The following PDSS2 variants were observed in gnomAD, a reference collection of about 807,000 sequenced individuals.
PDSS2 encodes the protein decaprenyl diphosphate synthase subunit 2, also known as all trans-polyprenyl-diphosphate synthase PDSS2.
PDSS2 carries 31 observed loss-of-function variants against 44.5 expected under a neutral mutation model. The ratio of observed to expected loss-of-function variants is 0.70; its 90% CI spans 0.52 to 0.94. The LOEUF (loss-of-function observed/expected upper bound fraction) is 0.94, where lower values mean the gene tolerates loss of function less well. Among genes scored for constraint, PDSS2 ranks in the 40% least tolerant of loss-of-function variants. The pLI is 0.00. For missense variants in PDSS2, 452 were observed against 482.2 expected (o/e 0.94, Z 0.59); for synonymous variants, 157 against 180.3 (o/e 0.87, Z 1.03).
intron 1 of PDSS2, among the ~76,000 whole-genome samples, chr6:107,437,939 A>G (rs1403898277): frequency 6.6e-6 from 1 of 152,168 alleles, no homozygotes; most frequent in Admixed American, 6.5e-5. Context: ...TCTAGTTTCT[A>G]GGGCTAAGGA....
chr6:107,156,422 C>T (rs1341486231), intron 7 of PDSS2, among the ~76,000 whole-genome samples: 1 of 151,844 alleles, frequency 6.6e-6, no homozygotes, highest in African/African-American at 2.4e-5. Context: ...TCTCCATCTC[C>T]TGACCTTGTG....
chr6:107,201,390 C>CAAAAA lies in PDSS2; in HGVS notation c.1009-7541_1009-7537dup, dbSNP rs747612959. Among the ~76,000 whole-genome samples the CAAAAA allele has an allele frequency of 1.1e-3, 58 of 52,158 alleles. 2 individuals carry two copies. Among genetic ancestry groups the CAAAAA allele is most frequent in the African/African-American group, 2.9e-3 (30 of 10,258 alleles). 34.2% of individuals were successfully genotyped at this position (52,158 alleles called of 152,430 possible). ...TGTAAAACAATATTCCATACAAAAG[C>CAAAAA]AAAAAAAAAAAAAAAAAAAAAAAAG... On this transcript the variant is annotated intron_variant, in intron 6 of 7. Transcript: ENST00000369037.
chr6:107,311,141 C>G (rs1396601072), intron 2 of PDSS2, among the ~76,000 whole-genome samples: 1 of 150,810 alleles, frequency 6.6e-6, no homozygotes, highest in East Asian at 1.9e-4. Context: ...TGGTCTTGAT[C>G]TCCTGACTTT....
rs1298003781 is a variant in PDSS2 at position 107,152,655 on chromosome 6, C to G, written c.*1964G>C. 6.6e-6 allele frequency: 1 copy of G among 151,822 alleles called. No homozygotes were observed. The highest frequency in any genetic ancestry group is 6.6e-5 in the Admixed American group (1 of 15,216). 9.4% of individuals were successfully genotyped at this position (151,822 alleles called of 1,614,324 possible). On this transcript the variant is annotated 3_prime_UTR_variant, in exon 8 of 8. Coordinates refer to ENST00000369037, the MANE Select transcript of PDSS2 (RefSeq NM_020381.4). ...CATTGTACAGATGAGAAAATTGAGG[C>G]TCAGAAGGAAGTGACTTGTGCAAGG...
intron 2 of PDSS2, among the ~76,000 whole-genome samples, chr6:107,316,761 T>C (rs1190084538): frequency 2.6e-5 from 4 of 152,170 alleles, no homozygotes; most frequent in African/African-American, 9.7e-5. Flanking sequence ...TTTCATTTAA[T>C]GAACAAAAAA....
intron 1 of PDSS2, among the ~76,000 whole-genome samples, chr6:107,377,097 A>G (rs1235295061): frequency 6.8e-6 from 1 of 146,980 alleles, no homozygotes; most frequent in Non-Finnish European, 1.5e-5. Context: ...CAGAGTGAAC[A>G]GGCAACCTAC....
intron 1 of PDSS2, among the ~76,000 whole-genome samples, chr6:107,399,337 C>G (rs1780039477): frequency 6.6e-6 from 1 of 152,188 alleles, no homozygotes. Flanking sequence ...GTCGCAAAAT[C>G]TTGATCTCCA....
rs1231583934 is a variant in PDSS2 at position 107,204,337 on chromosome 6, C to A, written c.1008+6102G>T. ...GTAATATTCCATTGTATGGATATAC[C>A]ACATTTTGCTTCTCCATTTATCAGT... On this transcript the variant is annotated intron_variant, in intron 6 of 7. Coordinates refer to ENST00000369037, the MANE Select transcript of PDSS2 (RefSeq NM_020381.4). Among the ~76,000 whole-genome samples the A allele has an allele frequency of 4.6e-5, 7 of 152,040 alleles. No individual in the cohort carries two copies. In the East Asian group the frequency reaches 1.3e-3, roughly 29 times the overall value.
intron 6 of PDSS2, among the ~76,000 whole-genome samples, chr6:107,198,966 AGCCTGGGT>A (rs1311047054): frequency 6.6e-6 from 1 of 152,240 alleles, no homozygotes; most frequent in Non-Finnish European, 1.5e-5. Flanking sequence ...ACTGCATTCC[AGCCTGGGT>A]GACAGAATGA....
intron 4 of PDSS2, among the ~76,000 whole-genome samples, chr6:107,232,485 A>C (rs1242837607): frequency 6.6e-6 from 1 of 152,174 alleles, no homozygotes; most frequent in South Asian, 2.1e-4. Context: ...TTTGTCATTC[A>C]GATCTCAACT....
chr6:107,452,957 G>T (rs1257918921), intron 1 of PDSS2, among the ~76,000 whole-genome samples: 1 of 152,062 alleles, frequency 6.6e-6, no homozygotes, highest in East Asian at 1.9e-4. Flanking sequence ...GAGCCACCAC[G>T]CCTGGCCAGT....
chr6:107,340,123 G>T (rs1367389790), intron 1 of PDSS2, among the ~76,000 whole-genome samples: 1 of 151,540 alleles, frequency 6.6e-6, no homozygotes, highest in African/African-American at 2.4e-5. Flanking sequence ...AACTCAAAAA[G>T]ATGTTGCATA....
intron 3 of PDSS2, among the ~76,000 whole-genome samples, chr6:107,261,581 T>TTC (rs1554259926): frequency 1.1e-4 from 14 of 128,232 alleles, no homozygotes; most frequent in Admixed American, 4.4e-4. Context: ...TTTCTTTCTT[T>TTC]TTTTTTTTTT....
intron 1 of PDSS2, among the ~76,000 whole-genome samples, chr6:107,338,082 T>TA (rs1777962127): frequency 6.6e-6 from 1 of 152,088 alleles, no homozygotes; most frequent in Non-Finnish European, 1.5e-5. Flanking sequence ...TTAACACTCT[T>TA]AAAAAAACAG....
chr6:107,166,451 G>A (rs181147365), intron 7 of PDSS2, among the ~76,000 whole-genome samples: 12 of 138,728 alleles, frequency 8.7e-5, no homozygotes, highest in East Asian at 4.7e-4. Context: ...TGCAAACTCC[G>A]CCTCCTGGGT....
intron 2 of PDSS2, among the ~76,000 whole-genome samples, chr6:107,289,612 C>G (rs1342247291): frequency 1.3e-5 from 2 of 151,890 alleles, no homozygotes; most frequent in African/African-American, 4.8e-5. Context: ...GGGAGGATCA[C>G]TTGAGCCTAG....
chr6:107,200,580 A>T (rs959171344), intron 6 of PDSS2, among the ~76,000 whole-genome samples: 9 of 152,182 alleles, frequency 5.9e-5, no homozygotes, highest in African/African-American at 2.2e-4. Context: ...TGTAAACTCC[A>T]TAAGTCTCGA....
intron 2 of PDSS2, among the ~76,000 whole-genome samples, chr6:107,332,796 C>G (rs898600398): frequency 6.6e-6 from 1 of 152,174 alleles, no homozygotes; most frequent in Non-Finnish European, 1.5e-5. Flanking sequence ...AATGGAATAG[C>G]TGTCATAAAA....
chr6:107,412,263 G>A (rs149584545), intron 1 of PDSS2, among the ~76,000 whole-genome samples: 4,033 of 107,282 alleles, frequency 0.038, 254 homozygotes, highest in African/African-American at 0.13. Flanking sequence ...TTTTTGAGAC[G>A]GAGTCTCACT....
Sources: allele counts gnomAD v4.1 joint callset (sites outside exome capture counted in the v4.1 genomes callset), GRCh38; gene constraint gnomAD v4.1.1; transcripts MANE v1.5; gene names NCBI Gene and HGNC (gene_info 2026-07-23, HGNC 2026-07-21).